ACBD7: variants seen among roughly 807,000 people sequenced by gnomAD.
ACBD7 encodes acyl-CoA-binding domain-containing protein 7.
In ACBD7, 11 loss-of-function variants were observed where a neutral mutation model predicts 13.7. The observed-to-expected ratio is 0.80, with a 90% CI of 0.50 to 1.33. The LOEUF is 1.33. ACBD7 is among the 40% of genes most tolerant of loss of function. The pLI is 0.00. For missense variants in ACBD7, 111 were observed against 103.0 expected (o/e 1.08, Z -0.33); for synonymous variants, 43 against 37.7 (o/e 1.14, Z -0.51).
chr10:15,085,574 G>C (rs967531247), intron 1 of ACBD7, among the ~76,000 whole-genome samples: 12 of 152,208 alleles, frequency 7.9e-5, no homozygotes, highest in Non-Finnish European at 1.0e-4. Context: ...TGGGCTGGGG[G>C]AAGAGGTTAG....
At chr10:15,085,452 T>A (rs899281665) in intron 1 of ACBD7, among the ~76,000 whole-genome samples, 1 of 152,190 alleles carries the variant, frequency 6.6e-6, no homozygotes, top group East Asian at 1.9e-4. Context: ...TCATCCCACA[T>A]AGGGGGTTGG....
intron 1 of ACBD7, 93 bp downstream of exon 1, chr10:15,088,624 C>T: frequency 1.3e-6 from 2 of 1,506,642 alleles, no homozygotes; most frequent in East Asian, 5.2e-5. Context: ...CACCGCCGAC[C>T]GCTCCCAGGG....
At chr10:15,087,193 T>G (rs144634282) in intron 1 of ACBD7, among the ~76,000 whole-genome samples, 2,075 of 151,974 alleles carry the variant, frequency 0.014, 24 homozygotes, top group Non-Finnish European at 0.024. Flanking sequence ...ACAAACAAAC[T>G]AAATGTTCCA....
chr10:15,084,992 A>T (rs1589261727), intron 1 of ACBD7, among the ~76,000 whole-genome samples: 1 of 152,006 alleles, frequency 6.6e-6, no homozygotes, highest in Non-Finnish European at 1.5e-5. Flanking sequence ...CTGCCTCCAG[A>T]CCCTATTCTC....
In ACBD7 at chr10:15,076,618, T is replaced by G; in HGVS notation, c.*1912A>C. On this transcript the variant is annotated 3_prime_UTR_variant, in exon 4 of 4. Coordinates refer to ENST00000356189, the MANE Select transcript of ACBD7 (RefSeq NM_001039844.3). ...CCTGGGTAAAAGCAATTCTCCTGCC[T>G]CAGCCTCCCAAGTAGCTGGAATTAC... 3.1e-6 allele frequency: 2 copies of G among 636,108 alleles called. No individual in the cohort carries two copies. The highest frequency in any genetic ancestry group is 3.9e-6 in the Non-Finnish European group (2 of 511,424). The allele number at this position is 636,108 out of a possible 1,614,324, so 39.4% of individuals were successfully genotyped here. A position where few individuals can be genotyped will look rare whatever the true frequency, so the allele number is the denominator to read the frequency against.
At chr10:15,082,763 G>A (rs1166328990) in intron 1 of ACBD7, among the ~76,000 whole-genome samples, 1 of 152,066 alleles carries the variant, frequency 6.6e-6, no homozygotes, top group African/African-American at 2.4e-5. Flanking sequence ...AGGGCTGGGT[G>A]CAGTGGCTCA....
rs777097311 is a variant in ACBD7, at chr10:15,077,574, A to G, written c.*956T>C. 1 of 152,166 alleles carries G rather than the reference A, an allele frequency of 6.6e-6. No individual in the cohort carries two copies. Among genetic ancestry groups the G allele is most frequent in the African/African-American group, 2.4e-5 (1 of 41,432 alleles). 9.4% of individuals were successfully genotyped at this position (152,166 alleles called of 1,614,324 possible). A position where few individuals can be genotyped will look rare whatever the true frequency, so the allele number is the denominator to read the frequency against. ...AGCCCAGATTTCCCCACTACACAATATATCCATGTAACAAAACTGCACCTG... is the reference window on the plus strand; with the variant it reads ...AGCCCAGATTTCCCCACTACACAATGTATCCATGTAACAAAACTGCACCTG... On this transcript the variant is annotated 3_prime_UTR_variant, in exon 4 of 4. Coordinates refer to ENST00000356189, the MANE Select transcript of ACBD7 (RefSeq NM_001039844.3).
At chr10:15,088,528 G>C in intron 1 of ACBD7, 189 bp downstream of exon 1, 1 of 790,822 alleles carries the variant, frequency 1.3e-6, no homozygotes, top group East Asian at 3.4e-5. Flanking sequence ...GTTGCCCTGG[G>C]AGCCCTGGCT....
At chr10:15,087,558 C>T (rs1844823987) in intron 1 of ACBD7, among the ~76,000 whole-genome samples, 1 of 152,040 alleles carries the variant, frequency 6.6e-6, no homozygotes, top group African/African-American at 2.4e-5. Flanking sequence ...GGGTGGATCA[C>T]TTGAGGTCAG....
chr10:15,088,584 CT>C (rs981823744), intron 1 of ACBD7, 132 bp downstream of exon 1: 5 of 1,260,152 alleles, frequency 4.0e-6, no homozygotes, highest in African/African-American at 3.1e-5. Context: ...ATCTGGGGCG[CT>C]GGGGAAGGAG....
Position 15,088,705 on chromosome 10 carries a change from C to T in ACBD7, c.12+12G>A. On this transcript the variant is annotated intron_variant, in intron 1 of 3. Coordinates refer to ENST00000356189, the MANE Select transcript of ACBD7 (RefSeq NM_001039844.3). ...GCGCCCCTCCCGCGTGGCCTCCCCG[C>T]GCCCCGGGTACCTGCAGGGCCATGG... is the stretch of plus-strand genomic sequence containing the variant. 6.3e-7 allele frequency: 1 copy of T among 1,597,152 alleles called. No homozygotes were observed. The highest frequency in any genetic ancestry group is 8.5e-7 in the Non-Finnish European group (1 of 1,175,720).
At position 15,078,549 on chromosome 10, in the gene ACBD7, A is replaced by G. The variant is rs1415067546; in HGVS notation, c.248T>C (p.Ile83Thr). The G allele has an allele frequency of 6.2e-7, 1 of 1,614,026 alleles. No homozygotes were observed. Among genetic ancestry groups the G allele is most frequent in the Non-Finnish European group, 8.5e-7 (1 of 1,180,032 alleles). ...TGTATTCTAAATTCCGTATTTTTCT[A>G]TCAGCTCCTTTGCTTTAGAAATATA... is the stretch of plus-strand genomic sequence containing the variant. The part of the protein sequence containing the change: ...SAYISKAKEL[I>T]EKYGI Residue 83 changes from isoleucine to threonine, a missense_variant, in exon 4 of 4, where the codon ATA (isoleucine) becomes ACA (threonine). Transcript: ENST00000356189.
At position 15,078,722 on chromosome 10, in the gene ACBD7, T is replaced by G; in HGVS notation, c.162A>C (p.Lys54Asn). The G allele has an allele frequency of 6.2e-7, 1 of 1,614,064 alleles. No individual in the cohort carries two copies. Among genetic ancestry groups the G allele is most frequent in the African/African-American group, 1.3e-5 (1 of 75,022 alleles). Residue 54 changes from lysine (K) to asparagine (N), a missense_variant, in exon 3 of 4, where the codon AAA (lysine) becomes AAC (asparagine). Lys to Asn is a moderately conservative substitution (Grantham distance 94). Coordinates refer to ENST00000356189, the MANE Select transcript of ACBD7 (RefSeq NM_001039844.3). Reference sequence around the variant, plus strand: ...TGAGGTTCCATGCTTCCCATTTGGCTTTGCCTTTTAAATCTAGCATTCCTG... The same window carrying G: ...TGAGGTTCCATGCTTCCCATTTGGCGTTGCCTTTTAAATCTAGCATTCCTG... ...ACPGMLDLKG[K>N]AKWEAWNLKK...
intron 1 of ACBD7, among the ~76,000 whole-genome samples, chr10:15,079,665 G>A (rs921511785): frequency 2.7e-5 from 4 of 150,776 alleles, no homozygotes; most frequent in African/African-American, 9.8e-5. Context: ...TGCAACCTTC[G>A]CCTCCTGGGT....
chr10:15,086,628 C>G (rs1163380585), intron 1 of ACBD7, among the ~76,000 whole-genome samples: 1 of 152,136 alleles, frequency 6.6e-6, no homozygotes, highest in African/African-American at 2.4e-5. Flanking sequence ...GTAATCCCAG[C>G]ACTTTGGGAG....
At chr10:15,085,233 G>A (rs1844796024) in intron 1 of ACBD7, among the ~76,000 whole-genome samples, 2 of 152,216 alleles carry the variant, frequency 1.3e-5, no homozygotes, top group Non-Finnish European at 1.5e-5. Context: ...ACTCTCTCCT[G>A]TTCAACTTTT....
chr10:15,087,403 T>C (rs11259474), intron 1 of ACBD7, among the ~76,000 whole-genome samples: 36,322 of 152,146 alleles, frequency 0.24, 6,794 homozygotes, highest in African/African-American at 0.52. Context: ...TATTACAACT[T>C]TACGCAGGAT....
chr10:15,087,976 A>ACCTG (rs1470087131), intron 1 of ACBD7, among the ~76,000 whole-genome samples: 2 of 152,188 alleles, frequency 1.3e-5, no homozygotes, highest in Admixed American at 6.5e-5. Flanking sequence ...CTGCGCCTCA[A>ACCTG]CCTGGGCAAC....
chr10:15,088,761 T>C lies in ACBD7; in HGVS notation c.-33A>G. ...GCTGCCGCGTTGTTGCTGCTGCTGTTGTCGTCCGGTGCTCTGCCCCCTCTC... is the reference window on the plus strand; with the variant it reads ...GCTGCCGCGTTGTTGCTGCTGCTGTCGTCGTCCGGTGCTCTGCCCCCTCTC... On this transcript the variant is annotated 5_prime_UTR_variant, in exon 1 of 4. Coordinates refer to ENST00000356189, the MANE Select transcript of ACBD7 (RefSeq NM_001039844.3). 8 of 1,599,176 alleles carry C rather than the reference T, an allele frequency of 5.0e-6. No homozygotes were observed. Among genetic ancestry groups the C allele is most frequent in the East Asian group, 2.3e-5 (1 of 43,252 alleles).
Sources: allele counts gnomAD v4.1 joint callset (sites outside exome capture counted in the v4.1 genomes callset), GRCh38; gene constraint gnomAD v4.1.1; transcripts MANE v1.5; gene names NCBI Gene and HGNC (gene_info 2026-07-23, HGNC 2026-07-21).